Variants in LPAR1 observed in about 807,000 individuals in gnomAD.
LPAR1 encodes LPA receptor 1.
A neutral mutation model predicts 23.8 loss-of-function variants in LPAR1; 5 were observed. The observed-to-expected ratio is 0.21, with a 90% confidence interval of 0.11 to 0.44. LPAR1 has a LOEUF of 0.44. LPAR1 is among the 20% of genes least tolerant of loss of function. The probability of loss-of-function intolerance (pLI) is 0.99; values close to 1 mark genes in which losing one functional copy is unlikely to be tolerated. For synonymous variants in LPAR1, 160 were observed against 164.7 expected (o/e 0.97, Z 0.22); for missense variants, 311 against 482.8 (o/e 0.64, Z 3.33).
chr9:110,977,109 C>T (rs1047435119), intron 2 of LPAR1, among the ~76,000 whole-genome samples: 1 of 152,086 alleles, frequency 6.6e-6, no homozygotes, highest in South Asian at 2.1e-4. Flanking sequence ...ACACGATATC[C>T]TCTTCATGTG....
intron 4 of LPAR1, among the ~76,000 whole-genome samples, chr9:110,950,436 G>T (rs1199090694): frequency 1.4e-5 from 2 of 144,056 alleles, no homozygotes; most frequent in African/African-American, 5.2e-5. Context: ...CTGCATTCCA[G>T]CCTGGGTGAC....
At chr9:110,974,576 T>G (rs1219890569) in intron 2 of LPAR1, among the ~76,000 whole-genome samples, 4 of 152,238 alleles carry the variant, frequency 2.6e-5, no homozygotes, top group Non-Finnish European at 4.4e-5. Flanking sequence ...TGCTTAGAAC[T>G]GTAGAGCCTT....
chr9:110,936,990 G>A (rs1463887215), intron 5 of LPAR1, among the ~76,000 whole-genome samples: 1 of 152,154 alleles, frequency 6.6e-6, no homozygotes, highest in Non-Finnish European at 1.5e-5. Context: ...TGTCAAGTAG[G>A]GAGACTTCAA....
rs1246925359 is a variant in LPAR1 at position 110,941,704 on chromosome 9, G to T, written c.510C>A (p.Val170=). ...SNRRVVVVIV[V]IWTMAIVMGA... ...CCATAACGATGGCCATAGTCCAGAT[G>T]ACCACAATGACCACCACTACCCGCC... The change falls in exon 5 of 6, where the codon GTC becomes GTA. Residue 170 remains valine, a synonymous_variant. Transcript: ENST00000683809. This position sits in a 1 kb window ranked among gnomAD's most constrained non-coding sequence, Gnocchi z 6.1. 17 of 1,614,150 alleles carry T rather than the reference G, an allele frequency of 1.1e-5. No individual in the cohort carries two copies. The highest frequency in any genetic ancestry group is 1.4e-5 in the Non-Finnish European group (17 of 1,180,022).
intron 4 of LPAR1, among the ~76,000 whole-genome samples, chr9:110,957,457 T>C: frequency 6.6e-6 from 1 of 151,846 alleles, no homozygotes; most frequent in East Asian, 1.9e-4. Flanking sequence ...ATAAACACAA[T>C]ACATCATATT....
chr9:110,910,632 G>C (rs1427680398), intron 5 of LPAR1, among the ~76,000 whole-genome samples: 2 of 152,172 alleles, frequency 1.3e-5, no homozygotes, highest in African/African-American at 4.8e-5. Flanking sequence ...AAAGTTAGTT[G>C]AAAACTTTCT....
At chr9:110,913,893 T>C (rs953250294) in intron 5 of LPAR1, among the ~76,000 whole-genome samples, 1 of 152,202 alleles carries the variant, frequency 6.6e-6, no homozygotes, top group Non-Finnish European at 1.5e-5. Context: ...AGAAGTTCAA[T>C]GGGTGCCTGC....
intron 5 of LPAR1, among the ~76,000 whole-genome samples, chr9:110,876,529 G>C (rs2079131218): frequency 1.3e-5 from 2 of 152,144 alleles, no homozygotes; most frequent in South Asian, 4.1e-4. Flanking sequence ...AAGGAACTGA[G>C]ACCCAGAAAG....
intron 2 of LPAR1, among the ~76,000 whole-genome samples, chr9:111,021,951 G>C (rs183144033): frequency 8.0e-6 from 1 of 124,390 alleles, no homozygotes; most frequent in Admixed American, 9.5e-5. Context: ...GTGACAGAGC[G>C]AGACTCCGTC....
intron 5 of LPAR1, among the ~76,000 whole-genome samples, chr9:110,923,634 G>A (rs1358990649): frequency 6.6e-6 from 1 of 152,122 alleles, no homozygotes; most frequent in Non-Finnish European, 1.5e-5. Context: ...TAACCCCACC[G>A]CTAAGTCAGG....
chr9:110,971,252 G>T (rs1038644897), intron 4 of LPAR1, among the ~76,000 whole-genome samples: 1 of 152,198 alleles, frequency 6.6e-6, no homozygotes, highest in Admixed American at 6.5e-5. Flanking sequence ...CACTTGCTGA[G>T]CACCTCTGTA....
intron 5 of LPAR1, among the ~76,000 whole-genome samples, chr9:110,921,185 G>C (rs1284707442): frequency 1.3e-5 from 2 of 152,060 alleles, no homozygotes. Flanking sequence ...GAGGTAGGAC[G>C]ATGGCTTGAG....
chr9:111,010,044 T>TAG (rs2097303708), intron 2 of LPAR1, among the ~76,000 whole-genome samples: 2 of 99,310 alleles, frequency 2.0e-5, no homozygotes, highest in African/African-American at 8.4e-5. Context: ...TATATATATA[T>TAG]ATGGATACAT....
chr9:110,940,771 AACAAT>A (rs1445726374), intron 5 of LPAR1, among the ~76,000 whole-genome samples: 1 of 152,196 alleles, frequency 6.6e-6, no homozygotes, highest in African/African-American at 2.4e-5. Context: ...ATCCAAGAAA[AACAAT>A]GCTTATTTAA....
intron 2 of LPAR1, among the ~76,000 whole-genome samples, chr9:111,015,829 T>G (rs2097433729): frequency 6.6e-6 from 1 of 151,764 alleles, no homozygotes; most frequent in African/African-American, 2.4e-5. Flanking sequence ...CTCCTGGGTG[T>G]TTGGAGAATA....
At chr9:110,894,126 C>T (rs886076519) in intron 5 of LPAR1, among the ~76,000 whole-genome samples, 1 of 151,986 alleles carries the variant, frequency 6.6e-6, no homozygotes, top group Admixed American at 6.6e-5. Flanking sequence ...AAATGAATGA[C>T]AATATTCACA....
intron 5 of LPAR1, among the ~76,000 whole-genome samples, chr9:110,927,545 T>G (rs1297694549): frequency 1.3e-5 from 2 of 152,130 alleles, no homozygotes; most frequent in Non-Finnish European, 2.9e-5. Context: ...CTAAAAATAT[T>G]GACCTAGGAA....
chr9:111,035,075 G>A (rs577942303), intron 2 of LPAR1, among the ~76,000 whole-genome samples: 1 of 152,144 alleles, frequency 6.6e-6, no homozygotes, highest in East Asian at 1.9e-4. Flanking sequence ...GAGGCTCACT[G>A]CATCTTTCCC....
intron 2 of LPAR1, among the ~76,000 whole-genome samples, chr9:110,991,575 TTG>T (rs1295121274): frequency 7.5e-5 from 5 of 66,540 alleles, no homozygotes; most frequent in South Asian, 4.6e-4. Context: ...TCTTTCTGGT[TTG>T]TTTTGTTGTT....
Sources: gnomAD v4.1 joint callset for allele counts (sites outside exome capture counted in the v4.1 genomes callset) on GRCh38, gnomAD v4.1.1 for gene constraint, Gnocchi (gnomAD v3.1) non-coding constraint, MANE v1.5 for transcripts, NCBI Gene and HGNC (gene_info 2026-07-23, HGNC 2026-07-21) for gene names.